Variants in NEK11 observed in about 807,000 individuals in gnomAD.
NEK11 encodes serine/threonine-protein kinase Nek11.
In NEK11, 72 loss-of-function variants were observed where a neutral mutation model predicts 80.7. The ratio of observed to expected loss-of-function variants is 0.89; its 90% CI spans 0.74 to 1.08. The LOEUF is 1.08. NEK11 is among the 50% of genes least tolerant of loss of function. NEK11 has a pLI of 0.00. For synonymous variants in NEK11, 251 were observed against 260.7 expected (o/e 0.96, Z 0.36); for missense variants, 764 against 763.6 (o/e 1.00, Z -0.01).
chr3:131,263,559 GT>G (rs2108510043), intron 16 of NEK11, among the ~76,000 whole-genome samples: 1 of 152,008 alleles, frequency 6.6e-6, no homozygotes, highest in Non-Finnish European at 1.5e-5. Flanking sequence ...GGCTCTTTTT[GT>G]TTGATTTTCT....
At chr3:131,258,874 A>G (rs1356925591) in intron 16 of NEK11, among the ~76,000 whole-genome samples, 1 of 152,146 alleles carries the variant, frequency 6.6e-6, no homozygotes, top group Non-Finnish European at 1.5e-5. Flanking sequence ...ATTTTGGTGT[A>G]GGCAGTGGAG....
intron 5 of NEK11, among the ~76,000 whole-genome samples, chr3:131,120,703 C>A (rs1357722375): frequency 6.6e-6 from 1 of 152,112 alleles, no homozygotes; most frequent in Admixed American, 6.5e-5. Context: ...CTCTAAACTT[C>A]TCTTCTCGCT....
rs185223927 is a variant in NEK11 at position 131,072,149 on chromosome 3, G to C, written c.171-8274G>C. 10 of 152,278 alleles carry C rather than the reference G, an allele frequency of 6.6e-5. No homozygotes were observed. The East Asian group carries it at 1.9e-3, about 29-fold the overall frequency. 9.4% of individuals were successfully genotyped at this position (152,278 alleles called of 1,614,324 possible). ...GAAACTCTTGTCCTCCTATCAAGAA[G>C]TCTAGAGAGAGAGCAATTCTGGTTT... On this transcript the variant is annotated intron_variant, in intron 3 of 17. Coordinates refer to ENST00000383366, the MANE Select transcript of NEK11 (RefSeq NM_024800.5).
intron 7 of NEK11, among the ~76,000 whole-genome samples, chr3:131,145,476 T>C (rs2087976824): frequency 6.6e-6 from 1 of 152,182 alleles, no homozygotes; most frequent in Non-Finnish European, 1.5e-5. Context: ...GAAGGTCTCA[T>C]AGTCTGTGTG....
At chr3:131,114,855 T>G (rs534939483) in intron 5 of NEK11, among the ~76,000 whole-genome samples, 17 of 152,202 alleles carry the variant, frequency 1.1e-4, no homozygotes, top group Admixed American at 2.6e-4. Flanking sequence ...TAAAGTATAT[T>G]TTGAAAATTA....
At position 131,338,265 on chromosome 3, in the gene NEK11, G is replaced by GTTT. The variant is rs1554023900; in HGVS notation, c.1719-11292_1719-11291insTTT. Among the ~76,000 whole-genome samples, 104 of 91,576 alleles carry GTTT rather than the reference G, an allele frequency of 1.1e-3. 1 individual carries two copies. Among genetic ancestry groups the GTTT allele is most frequent in the African/African-American group, 2.0e-3 (41 of 20,586 alleles). The allele number at this position is 91,576 out of a possible 152,430, so 60.1% of individuals were successfully genotyped here. Reference sequence around the variant, plus strand: ...CAGGCATGAGCCACGGCGCCCAGCTGGTTTTTTTTTTTTTTTTTTTTTTTT... The same window carrying GTTT: ...CAGGCATGAGCCACGGCGCCCAGCTGTTTGTTTTTTTTTTTTTTTTTTTTTTTT... On this transcript the variant is annotated intron_variant, in intron 17 of 17. Coordinates refer to ENST00000383366, the MANE Select transcript of NEK11 (RefSeq NM_024800.5).
intron 4 of NEK11, among the ~76,000 whole-genome samples, chr3:131,102,532 C>T (rs201342864): frequency 1.1e-4 from 17 of 152,240 alleles, no homozygotes; most frequent in East Asian, 3.9e-4. Context: ...GTAAGGTTTC[C>T]GCTGAGAGGT....
At chr3:131,178,423 G>A (rs1397224926) in intron 14 of NEK11, among the ~76,000 whole-genome samples, 1 of 152,164 alleles carries the variant, frequency 6.6e-6, no homozygotes, top group Non-Finnish European at 1.5e-5. Context: ...TTGTACAGCT[G>A]TACAAGAATA....
chr3:131,055,268 C>G (rs187522839), intron 3 of NEK11, among the ~76,000 whole-genome samples: 1 of 152,332 alleles, frequency 6.6e-6, no homozygotes, highest in Admixed American at 6.5e-5. Context: ...ATGTGAATGT[C>G]TTCATTCAGT....
intron 4 of NEK11, among the ~76,000 whole-genome samples, chr3:131,090,831 C>T (rs1332528282): frequency 6.6e-6 from 1 of 152,148 alleles, no homozygotes; most frequent in Non-Finnish European, 1.5e-5. Flanking sequence ...GTGGTGCAAT[C>T]ATAGCTCACT....
At position 131,295,069 on chromosome 3, in the gene NEK11, T is replaced by C. The variant is rs1368999537; in HGVS notation, c.1718+21495T>C. 2.0e-5 allele frequency among the ~76,000 whole-genome samples: 3 copies of C among 152,302 alleles called. No homozygotes were observed. The South Asian group carries it at 6.2e-4, about 32-fold the overall frequency. On this transcript the variant is annotated intron_variant, in intron 17 of 17. Transcript: ENST00000383366. ...TCTTTTAATTGGTACATTTAGATCA[T>C]TGATGTTCAAAGTGATTATTGATGT...
intron 5 of NEK11, among the ~76,000 whole-genome samples, chr3:131,130,813 T>C (rs549663566): frequency 8.5e-5 from 13 of 152,300 alleles, no homozygotes; most frequent in Middle Eastern, 3.4e-3. Flanking sequence ...TATATATGTA[T>C]ATTTTTTGGA....
At chr3:131,131,823 A>AAT (rs1182073567) in intron 5 of NEK11, among the ~76,000 whole-genome samples, 2 of 151,768 alleles carry the variant, frequency 1.3e-5, no homozygotes, top group African/African-American at 4.8e-5. Flanking sequence ...CTTTTTTTCT[A>AAT]ATATATATAT....
chr3:131,330,533 AGAG>A (rs2097058947), intron 17 of NEK11: 1 of 152,246 alleles, frequency 6.6e-6, no homozygotes, highest in Non-Finnish European at 1.5e-5. Context: ...TAGTCAAATC[AGAG>A]AAGATCATTT....
chr3:131,295,149 C>A (rs527874339), intron 17 of NEK11, among the ~76,000 whole-genome samples: 2 of 151,894 alleles, frequency 1.3e-5, no homozygotes, highest in Non-Finnish European at 2.9e-5. Context: ...TGTCTCTGTT[C>A]TTTGTTCCAT....
intron 14 of NEK11, among the ~76,000 whole-genome samples, chr3:131,212,826 G>C (rs1163351460): frequency 6.6e-6 from 1 of 152,128 alleles, no homozygotes; most frequent in Admixed American, 6.5e-5. Context: ...TGTCTATTTG[G>C]CTAGGCCATG....
intron 14 of NEK11, among the ~76,000 whole-genome samples, chr3:131,214,695 A>ATATG (rs2094756785): frequency 6.8e-6 from 1 of 147,562 alleles, no homozygotes; most frequent in Non-Finnish European, 1.5e-5. Flanking sequence ...ATGTGCGTGC[A>ATATG]TGTGTGTGTG....
intron 14 of NEK11, among the ~76,000 whole-genome samples, chr3:131,218,696 CTG>C (rs2094923282): frequency 6.6e-6 from 1 of 152,146 alleles, no homozygotes; most frequent in South Asian, 2.1e-4. Context: ...GCCAATCTGA[CTG>C]TGTCCTCATA....
At chr3:131,207,563 AGT>A in intron 14 of NEK11, among the ~76,000 whole-genome samples, 2 of 152,146 alleles carry the variant, frequency 1.3e-5, no homozygotes, top group East Asian at 3.9e-4. Context: ...TGGGTGAAAG[AGT>A]GAGACTCTAT....
Sources: gnomAD v4.1 joint callset for allele counts (sites outside exome capture counted in the v4.1 genomes callset) on GRCh38, gnomAD v4.1.1 for gene constraint, MANE v1.5 for transcripts, NCBI Gene and HGNC (gene_info 2026-07-23, HGNC 2026-07-21) for gene names.